The following PKNOX2 variants were observed in gnomAD, a reference collection of about 807,000 sequenced individuals.
PKNOX2 encodes the protein homeobox protein PKNOX2.
A neutral mutation model predicts 53.1 loss-of-function variants in PKNOX2; 14 were observed. The ratio of observed to expected loss-of-function variants is 0.26; its 90% CI spans 0.17 to 0.41. The LOEUF (loss-of-function observed/expected upper bound fraction) is 0.41, where lower values mean the gene tolerates loss of function less well. Ranked by LOEUF, PKNOX2 falls within the 10% of genes least tolerant of loss-of-function variation. The pLI is 1.00. For synonymous variants in PKNOX2, 257 were observed against 242.8 expected, an observed-to-expected ratio of 1.06 and a Z score of -0.54; for missense variants, 496 against 602.8, an observed-to-expected ratio of 0.82 and a Z score of 1.85.
intron 6 of PKNOX2, among the ~76,000 whole-genome samples, chr11:125,391,552 TA>T (rs1312339342): frequency 6.6e-6 from 1 of 152,240 alleles, no homozygotes; most frequent in Non-Finnish European, 1.5e-5. Context: ...ATTGTCATCC[TA>T]AATTTTGCAG....
At chr11:125,419,586 T>A (rs1956065782) in intron 10 of PKNOX2, among the ~76,000 whole-genome samples, 1 of 152,038 alleles carries the variant, frequency 6.6e-6, no homozygotes. Flanking sequence ...AAGGATTAAC[T>A]TTTTAATGAA....
At chr11:125,242,329 C>G (rs1565477571) in intron 2 of PKNOX2, among the ~76,000 whole-genome samples, 1 of 152,168 alleles carries the variant, frequency 6.6e-6, no homozygotes. Context: ...CCTATACTTC[C>G]CAGTCTCCCC....
intron 1 of PKNOX2, among the ~76,000 whole-genome samples, chr11:125,197,991 A>G (rs544731390): frequency 6.6e-6 from 1 of 152,324 alleles, no homozygotes; most frequent in South Asian, 2.1e-4. Flanking sequence ...TGCAGGACCA[A>G]TGCAGGGAAG....
chr11:125,212,558 G>A (rs574243456), intron 1 of PKNOX2, among the ~76,000 whole-genome samples: 3 of 150,066 alleles, frequency 2.0e-5, no homozygotes, highest in South Asian at 2.1e-4. Context: ...GGGTTCAAGC[G>A]ATTCTAGGAG....
At chr11:125,318,073 C>T (rs73621050) in intron 2 of PKNOX2, among the ~76,000 whole-genome samples, 2,790 of 152,132 alleles carry the variant, frequency 0.018, 93 homozygotes, top group African/African-American at 0.063. Flanking sequence ...TTTCTTTAAA[C>T]CTCATAAACC....
chr11:125,292,388 A>G (rs907030932), intron 2 of PKNOX2, among the ~76,000 whole-genome samples: 3 of 152,192 alleles, frequency 2.0e-5, no homozygotes, highest in African/African-American at 4.8e-5. Flanking sequence ...TGGCAGTGGC[A>G]GCAGCAGGAG....
chr11:125,410,318 T>C lies in PKNOX2; in HGVS notation c.711T>C (p.Val237=). The change falls in exon 8 of 13, where the codon GTT becomes GTC. Residue 237 remains valine, a synonymous_variant. Transcript: ENST00000298282. ...CCATGACAACCGTCAACTCACAAGT[T>C]GTGTCAGGTCGGTGCAAAGACTGGG... is the stretch of plus-strand genomic sequence containing the variant. ...NIAMTTVNSQ[V]VSGGALYQPV... is the part of the protein sequence containing the mutation. 6.2e-7 allele frequency: 1 copy of C among 1,613,954 alleles called. No homozygotes were observed. The highest frequency in any genetic ancestry group is 8.5e-7 in the Non-Finnish European group (1 of 1,179,958).
intron 1 of PKNOX2, among the ~76,000 whole-genome samples, chr11:125,207,496 G>A (rs947508786): frequency 6.6e-6 from 1 of 152,032 alleles, no homozygotes; most frequent in South Asian, 2.1e-4. Flanking sequence ...CATGATGCGA[G>A]AGAAACCACA....
intron 3 of PKNOX2, among the ~76,000 whole-genome samples, chr11:125,333,397 TG>T (rs1238729358): frequency 1.3e-5 from 2 of 152,140 alleles, no homozygotes; most frequent in African/African-American, 4.8e-5. Context: ...ATCACCTGCA[TG>T]GTAGAATATG....
chr11:125,245,477 C>G (rs573620859), intron 2 of PKNOX2, among the ~76,000 whole-genome samples: 1 of 152,242 alleles, frequency 6.6e-6, no homozygotes, highest in Non-Finnish European at 1.5e-5. Flanking sequence ...TATGTGCTTT[C>G]CACTGCACTT....
intron 2 of PKNOX2, chr11:125,258,844 C>T (rs1453331414): frequency 5.6e-6 from 2 of 356,552 alleles, no homozygotes; most frequent in East Asian, 1.1e-4. Flanking sequence ...CTTTGGGTCC[C>T]CTGGGGATGC....
Position 125,431,112 on chromosome 11 carries a change from G to A in PKNOX2, c.1193-54G>A. On this transcript the variant is annotated intron_variant, in intron 12 of 12. Coordinates refer to ENST00000298282, the MANE Select transcript of PKNOX2 (RefSeq NM_001382323.2). ...ATTAAACCCTGTCCAACACAGAGGT[G>A]CTGGCCCTGACCAGCAGCCCCTGCC... 3 of 1,580,264 alleles carry A rather than the reference G, an allele frequency of 1.9e-6. No individual in the cohort carries two copies. In the South Asian group the frequency reaches 3.5e-5, roughly 19 times the overall value.
chr11:125,243,812 C>T (rs573029175), intron 2 of PKNOX2, among the ~76,000 whole-genome samples: 3 of 152,088 alleles, frequency 2.0e-5, no homozygotes, highest in Admixed American at 2.0e-4. Context: ...TTAGTAGAGA[C>T]GGGGTTTCAC....
At chr11:125,189,437 GTGTGTGTGTGTATATATATA>G (rs1214097640) in intron 1 of PKNOX2, among the ~76,000 whole-genome samples, 11 of 57,262 alleles carry the variant, frequency 1.9e-4, no homozygotes, top group East Asian at 1.1e-3. Context: ...GTGTGTGTGT[GTGTGTGTGTGTATATATATA>G]TATATATATA....
At chr11:125,182,616 A>G (rs989915762) in intron 1 of PKNOX2, among the ~76,000 whole-genome samples, 2 of 152,220 alleles carry the variant, frequency 1.3e-5, no homozygotes, top group Non-Finnish European at 2.9e-5. Flanking sequence ...CAACAGGCTC[A>G]GCCATCTGAG....
intron 1 of PKNOX2, among the ~76,000 whole-genome samples, chr11:125,196,451 T>C (rs1232193929): frequency 6.6e-6 from 1 of 152,092 alleles, no homozygotes; most frequent in African/African-American, 2.4e-5. Flanking sequence ...TCCCAAGTGG[T>C]TGGAAGCCTT....
chr11:125,427,205 G>T (rs1369438727), intron 10 of PKNOX2, among the ~76,000 whole-genome samples: 1 of 152,176 alleles, frequency 6.6e-6, no homozygotes, highest in Non-Finnish European at 1.5e-5. Context: ...GCCCCCTGGG[G>T]CCATCTGCAC....
At chr11:125,372,211 ATTCGT>A (rs1296335975) in intron 5 of PKNOX2, among the ~76,000 whole-genome samples, 3 of 152,086 alleles carry the variant, frequency 2.0e-5, no homozygotes, top group African/African-American at 7.2e-5. Context: ...AGCAGCTCCG[ATTCGT>A]AGCATTTGCT....
At chr11:125,232,772 A>G (rs1942323814) in intron 1 of PKNOX2, among the ~76,000 whole-genome samples, 1 of 152,224 alleles carries the variant, frequency 6.6e-6, no homozygotes, top group Non-Finnish European at 1.5e-5. Context: ...GAGTTTGGCA[A>G]CAATATCATA....
Sources: gnomAD v4.1 joint callset for allele counts (sites outside exome capture counted in the v4.1 genomes callset) on GRCh38, gnomAD v4.1.1 for gene constraint, MANE v1.5 for transcripts, NCBI Gene and HGNC (gene_info 2026-07-23, HGNC 2026-07-21) for gene names.